The following CFAP47 variants were observed in gnomAD, a reference collection of about 807,000 sequenced individuals.
The protein encoded by CFAP47 is cilia- and flagella-associated protein 47.
CFAP47 carries 29 observed loss-of-function variants against 148.1 expected under a neutral mutation model. That is an observed-to-expected ratio of 0.20 (90% CI 0.15 to 0.27). CFAP47 has a LOEUF of 0.27. CFAP47 is among the 10% of genes least tolerant of loss of function. CFAP47 has a pLI of 1.00. For missense variants in CFAP47, 1,872 were observed against 1,697.5 expected, an observed-to-expected ratio of 1.10 and a Z score of -1.81; for synonymous variants, 664 against 577.3, an observed-to-expected ratio of 1.15 and a Z score of -2.15.
rs899821112 is a variant in CFAP47 at position 36,145,089 on chromosome X, G to A, written c.5536-130G>A. The A allele has an allele frequency of 1.4e-3, 476 of 346,799 alleles. 1 individual carries two copies. The highest frequency in any genetic ancestry group is 2.1e-3 in the Non-Finnish European group (418 of 202,861). The allele number at this position is 346,799 out of a possible 1,213,427, so 28.6% of individuals were successfully genotyped here. On this transcript the variant is annotated intron_variant, in intron 35 of 63. Transcript: ENST00000378653. Reference sequence around the variant, plus strand: ...TATATATATATGCGTGTGTGTGTGTGTGTGTGTGTGTGTGTGTGTGTATGT... The same window carrying A: ...TATATATATATGCGTGTGTGTGTGTATGTGTGTGTGTGTGTGTGTGTATGT...
At chrX:36,085,162 A>G (rs1340944014) in intron 29 of CFAP47, 152 bp from the exon 30 acceptor site, 3 of 371,198 alleles carry the variant, frequency 8.1e-6, no homozygotes, top group African/African-American at 5.2e-5. Flanking sequence ...TTTTTTGACC[A>G]ACAAATGGTA....
chrX:35,985,221 CT>C (rs1294727776), intron 15 of CFAP47, among the ~76,000 whole-genome samples: 1 of 111,286 alleles, frequency 9.0e-6, no homozygotes, highest in African/African-American at 3.3e-5. Context: ...TCTCTGGCCC[CT>C]CAAGATTAGG....
At chrX:36,260,505 G>A (rs1467517338) in intron 49 of CFAP47, among the ~76,000 whole-genome samples, 1 of 111,885 alleles carries the variant, frequency 8.9e-6, no homozygotes, top group Non-Finnish European at 1.9e-5. Flanking sequence ...TCATATATTT[G>A]TTGGTTACAT....
intron 33 of CFAP47, among the ~76,000 whole-genome samples, chrX:36,128,268 G>A (rs1601999698): frequency 9.0e-6 from 1 of 110,624 alleles, no homozygotes; most frequent in African/African-American, 3.3e-5. Flanking sequence ...ATAAAATTTG[G>A]GGGTTATTAT....
intron 1 of CFAP47, among the ~76,000 whole-genome samples, chrX:35,923,883 A>G (rs1156786215): frequency 1.1e-5 from 1 of 87,283 alleles, no homozygotes; most frequent in African/African-American, 7.2e-5. Flanking sequence ...GTATATATGT[A>G]CATATATATG....
intron 2 of CFAP47, among the ~76,000 whole-genome samples, chrX:35,935,289 T>C (rs1013639052): frequency 8.9e-6 from 1 of 112,217 alleles, no homozygotes; most frequent in Non-Finnish European, 1.9e-5. Flanking sequence ...GGTTTAAATG[T>C]TCCCCCCATG....
intron 41 of CFAP47, among the ~76,000 whole-genome samples, chrX:36,189,702 T>C (rs1422757535): frequency 2.7e-5 from 3 of 112,208 alleles, no homozygotes; most frequent in Non-Finnish European, 5.6e-5. Context: ...CATCCTTTGT[T>C]TCCAGTTTAA....
rs1460877816 is a variant in CFAP47, at chrX:36,072,778, G to A, written c.4466-361G>A. Among the ~76,000 whole-genome samples the A allele has an allele frequency of 2.7e-5, 3 of 111,482 alleles. No individual in the cohort carries two copies. The East Asian group carries it at 8.5e-4, about 31-fold the overall frequency. ...ATATTGTCTTTGTATAATTTTTTCA[G>A]ATGAGATTAAATTTTTTCTAATACA... On this transcript the variant is annotated intron_variant, in intron 28 of 63. Coordinates refer to ENST00000378653, the MANE Select transcript of CFAP47 (RefSeq NM_001304548.2).
At position 36,385,055 on chromosome X, in the gene CFAP47, A is replaced by G. The variant is rs1438180999; in HGVS notation, c.*49A>G. Reference sequence around the variant, plus strand: ...GGTCTCAGGTAGAACTTTGATGACTATTATTTCATCTTTTGGAATATTTCT... The same window carrying G: ...GGTCTCAGGTAGAACTTTGATGACTGTTATTTCATCTTTTGGAATATTTCT... On this transcript the variant is annotated 3_prime_UTR_variant, in exon 64 of 64. Transcript: ENST00000378653. The G allele has an allele frequency of 8.9e-6, 7 of 785,985 alleles. No individual in the cohort carries two copies. The highest frequency in any genetic ancestry group is 1.3e-5 in the Non-Finnish European group (7 of 534,751). The allele number at this position is 785,985 out of a possible 1,213,427, so 64.8% of individuals were successfully genotyped here.
rs999849510 is a variant in CFAP47 at position 36,179,420 on chromosome X, T to C, written c.6102T>C (p.His2034=). The part of the protein sequence containing the change: ...KLTESRQYPK[H]DDDMSSSGSD... ...CTGAATCCAGGCAATACCCGAAACA[T>C]GAGTAAGTGTCTATATTTTGTACTC... The change falls in exon 40 of 64, where the codon CAT becomes CAC. Residue 2034 remains histidine (H), a splice_region_variant and synonymous_variant. Transcript: ENST00000378653. 29 of 295,242 alleles carry C rather than the reference T, an allele frequency of 9.8e-5. 1 individual carries two copies. Among genetic ancestry groups the C allele is most frequent in the African/African-American group, 7.4e-4 (27 of 36,564 alleles). The allele number at this position is 295,242 out of a possible 1,213,427, so 24.3% of individuals were successfully genotyped here.
chrX:36,141,661 G>A lies in CFAP47; in HGVS notation c.5535+3197G>A, dbSNP rs977237861. 2.7e-5 allele frequency among the ~76,000 whole-genome samples: 3 copies of A among 112,088 alleles called. No homozygotes were observed. The Admixed American group carries it at 2.8e-4, about 11-fold the overall frequency. On this transcript the variant is annotated intron_variant, in intron 35 of 63. Coordinates refer to ENST00000378653, the MANE Select transcript of CFAP47 (RefSeq NM_001304548.2). ...CAGCTTTAAAGAACAGAATTCTTGA[G>A]TAAAAGTGGTTTAAAAATAAGGAAA...
chrX:36,250,994 C>T (rs1555998111), intron 48 of CFAP47, among the ~76,000 whole-genome samples: 1 of 110,831 alleles, frequency 9.0e-6, no homozygotes, highest in Non-Finnish European at 1.9e-5. Flanking sequence ...TATCAAACTG[C>T]CTAAAGACAA....
At chrX:36,262,591 C>T (rs73458227) in intron 49 of CFAP47, among the ~76,000 whole-genome samples, 1,140 of 111,925 alleles carry the variant, frequency 0.01, 9 homozygotes, top group African/African-American at 0.035. Context: ...TGTGTATATA[C>T]GCATTTTCTT....
At chrX:36,232,190 A>T (rs1214983051) in intron 46 of CFAP47, among the ~76,000 whole-genome samples, 3 of 111,344 alleles carry the variant, frequency 2.7e-5, no homozygotes, top group African/African-American at 9.8e-5. Flanking sequence ...AAGGAATGGT[A>T]CCAGTTCCTC....
chrX:35,940,083 T>C (rs1244836498), intron 2 of CFAP47, among the ~76,000 whole-genome samples: 2 of 111,613 alleles, frequency 1.8e-5, no homozygotes, highest in Non-Finnish European at 3.8e-5. Context: ...TTTGGCTGCA[T>C]AAATGTCTTC....
At chrX:36,148,899 GTA>G (rs1208560163) in intron 36 of CFAP47, among the ~76,000 whole-genome samples, 2 of 97,010 alleles carry the variant, frequency 2.1e-5, no homozygotes, top group Non-Finnish European at 3.9e-5. Flanking sequence ...TAAACTGTAT[GTA>G]TGTGTGTGTG....
intron 37 of CFAP47, among the ~76,000 whole-genome samples, chrX:36,157,791 T>A (rs953164635): frequency 9.0e-6 from 1 of 111,309 alleles, no homozygotes; most frequent in Non-Finnish European, 1.9e-5. Flanking sequence ...ATAAATGATC[T>A]TATATAGTGA....
At chrX:36,245,422 TCTACAC>T (rs1299425307) in intron 48 of CFAP47, among the ~76,000 whole-genome samples, 4 of 111,890 alleles carry the variant, frequency 3.6e-5, no homozygotes, top group African/African-American at 1.3e-4. Flanking sequence ...ACAATATGGT[TCTACAC>T]CTAGAAAACT....
In CFAP47 at chrX:35,926,134, A is replaced by G. The variant is rs913878224; in HGVS notation, c.367A>G (p.Ile123Val). ...EDTFDRLLISIENKTTEIPLI... is the reference protein window; with the variant it reads ...EDTFDRLLISVENKTTEIPLI... ...CACTTTTGACCGGCTACTTATTTCA[A>G]TAGAAAATAAAACAACAGAAATTCC... Residue 123 changes from isoleucine (I) to valine (V), a missense_variant, in exon 2 of 64, where the codon ATA becomes GTA. By Grantham distance (29) the Ile-to-Val change is conservative. Transcript: ENST00000378653. 2 of 1,205,442 alleles carry G rather than the reference A, an allele frequency of 1.7e-6. No individual in the cohort carries two copies. The highest frequency in any genetic ancestry group is 2.2e-6 in the Non-Finnish European group (2 of 890,484).
Sources: gnomAD v4.1 joint callset for allele counts (sites outside exome capture counted in the v4.1 genomes callset) on GRCh38, gnomAD v4.1.1 for gene constraint, MANE v1.5 for transcripts, NCBI Gene and HGNC (gene_info 2026-07-23, HGNC 2026-07-21) for gene names.